SPTBN1: variants seen among roughly 807,000 people sequenced by gnomAD.
The protein encoded by SPTBN1 is spectrin beta chain, non-erythrocytic 1.
Under a neutral mutation model 266.4 loss-of-function variants are expected in SPTBN1, and 32 were observed. That is an observed-to-expected ratio of 0.12 (90% confidence interval 0.09 to 0.16). SPTBN1 has a LOEUF of 0.16. Ranked by LOEUF, SPTBN1 falls within the 10% of genes least tolerant of loss-of-function variation. The pLI, the probability that SPTBN1 is intolerant of heterozygous loss-of-function variation, is 1.00. For missense variants in SPTBN1, 2,296 were observed against 3,067.1 expected, an observed-to-expected ratio of 0.75 and a Z score of 5.94; for synonymous variants, 1,336 against 1,162.2, an observed-to-expected ratio of 1.15 and a Z score of -3.04.
At chr2:54,632,401 T>C (rs1185028592) in intron 16 of SPTBN1, among the ~76,000 whole-genome samples, 165 bp from the exon 17 acceptor site, 1 of 152,216 alleles carries the variant, frequency 6.6e-6, no homozygotes, top group Admixed American at 6.5e-5. Flanking sequence ...AGTTACAGTG[T>C]CCCACTGGGT....
At chr2:54,542,887 C>T (rs1171935804) in intron 2 of SPTBN1, among the ~76,000 whole-genome samples, 1 of 152,182 alleles carries the variant, frequency 6.6e-6, no homozygotes, top group Non-Finnish European at 1.5e-5. Flanking sequence ...GTATTTTGGT[C>T]ACAAATCTGC....
intron 2 of SPTBN1, among the ~76,000 whole-genome samples, chr2:54,551,725 G>A (rs1672575785): frequency 6.6e-6 from 1 of 152,168 alleles, no homozygotes; most frequent in African/African-American, 2.4e-5. Context: ...TGGGTGTGGG[G>A]GGAATGGGGG....
At chr2:54,637,276 A>G (rs1487004999) in intron 17 of SPTBN1, among the ~76,000 whole-genome samples, 2 of 152,080 alleles carry the variant, frequency 1.3e-5, no homozygotes, top group Admixed American at 1.3e-4. Context: ...GAAACTCTTT[A>G]TCAGGAAACA....
At chr2:54,665,892 G>GC (rs772148590) in intron 33 of SPTBN1, 23 bp from the exon 34 acceptor site, 1 of 1,596,372 alleles carries the variant, frequency 6.3e-7, no homozygotes, top group African/African-American at 1.4e-5. Flanking sequence ...ATCTCCCCCT[G>GC]CCCTTTTTTT....
chr2:54,658,503 T>A (rs2971880), intron 30 of SPTBN1, among the ~76,000 whole-genome samples: 53,097 of 152,036 alleles, frequency 0.35, 9,535 homozygotes, highest in Middle Eastern at 0.44. Flanking sequence ...TAGAATAGGA[T>A]TTGTGCACTG....
rs202107028 is a variant in SPTBN1 at position 54,668,682 on chromosome 2, T to TTA, written c.*114_*115insAT. ...CCTAATGTTCCTCAATGTGGTTGAT[T>TTA]TTTTTTTTTTTTTAATTTATAGAGC... On this transcript the variant is annotated 3_prime_UTR_variant, in exon 36 of 36. Coordinates refer to ENST00000356805, the MANE Select transcript of SPTBN1 (RefSeq NM_003128.3). The TTA allele has an allele frequency of 1.8e-4, 124 of 685,596 alleles. 1 individual carries two copies. Among genetic ancestry groups the TTA allele is most frequent in the African/African-American group, 1.4e-3 (73 of 50,714 alleles). The allele number at this position is 685,596 out of a possible 1,614,324, so 42.5% of individuals were successfully genotyped here. A position where few individuals can be genotyped will look rare whatever the true frequency, so the allele number is the denominator to read the frequency against.
In SPTBN1 at chr2:54,659,942, T is replaced by C. The variant is rs769975531; in HGVS notation, c.6363T>C (p.Thr2121=). The C allele has an allele frequency of 6.2e-7, 1 of 1,614,198 alleles. No individual in the cohort carries two copies. The highest frequency in any genetic ancestry group is 8.5e-7 in the Non-Finnish European group (1 of 1,180,022). The change falls in exon 32 of 36, where the codon ACT becomes ACC. Residue 2121 remains threonine, a synonymous_variant. Transcript: ENST00000356805. The part of the protein sequence containing the change: ...EEAESQQQWD[T]SKGEQVSQNG... ...TTCCCCTCTTCCCTAACAGGGATACTTCAAAAGGAGAACAAGTTTCCCAAA... is the reference window on the plus strand; with the variant it reads ...TTCCCCTCTTCCCTAACAGGGATACCTCAAAAGGAGAACAAGTTTCCCAAA...
At chr2:54,597,507 G>T (rs1295025695) in intron 2 of SPTBN1, among the ~76,000 whole-genome samples, 1 of 152,196 alleles carries the variant, frequency 6.6e-6, no homozygotes, top group African/African-American at 2.4e-5. Context: ...CCCTCCTTCT[G>T]TCTGGATGGG....
intron 17 of SPTBN1, among the ~76,000 whole-genome samples, chr2:54,636,757 G>C (rs776237665): frequency 1.3e-5 from 2 of 152,228 alleles, no homozygotes; most frequent in Non-Finnish European, 2.9e-5. Flanking sequence ...CTCCTCAGTT[G>C]CACTCTGCCT....
chr2:54,579,816 G>A (rs1370314929), intron 2 of SPTBN1, among the ~76,000 whole-genome samples: 3 of 152,232 alleles, frequency 2.0e-5, no homozygotes, highest in Non-Finnish European at 4.4e-5. Flanking sequence ...AGAAAGTATA[G>A]TGAGAGAGAG....
intron 2 of SPTBN1, among the ~76,000 whole-genome samples, chr2:54,583,461 A>G (rs982277116): frequency 6.6e-6 from 1 of 152,170 alleles, no homozygotes; most frequent in African/African-American, 2.4e-5. Context: ...ACCAAAGTGT[A>G]GGTGAGAAGA....
chr2:54,655,442 C>T (rs1304855690), intron 28 of SPTBN1, among the ~76,000 whole-genome samples: 1 of 152,246 alleles, frequency 6.6e-6, no homozygotes, highest in African/African-American at 2.4e-5. Context: ...ATGGACTCCG[C>T]ATCCTCCCCA....
intron 1 of SPTBN1, among the ~76,000 whole-genome samples, chr2:54,471,622 G>A (rs1024483066): frequency 7.2e-5 from 11 of 152,108 alleles, no homozygotes; most frequent in African/African-American, 2.7e-4. Flanking sequence ...ATCAAATGTT[G>A]GAATGTGTTG....
intron 2 of SPTBN1, among the ~76,000 whole-genome samples, chr2:54,579,947 G>A (rs1443035577): frequency 1.3e-5 from 2 of 152,234 alleles, no homozygotes; most frequent in Non-Finnish European, 2.9e-5. Context: ...TCCTTTCTGA[G>A]GGTAAAAGCT....
Position 54,631,193 on chromosome 2 carries a change from C to A in SPTBN1, c.3146C>A (p.Thr1049Asn). Residue 1049 changes from threonine to asparagine, a missense_variant, in exon 16 of 36, where the codon ACC becomes AAC. This residue lies in a region of SPTBN1 where 128 missense variants were observed against 176.5 expected (regional missense o/e 0.73). Transcript: ENST00000356805. ...EISDVWEEMK[T>N]TLKNREASLG... ...AGCGACGTGTGGGAGGAGATGAAGA[C>A]CACCCTGAAAAACCGAGAGGCCTCC... is the stretch of plus-strand genomic sequence containing the variant. 1 of 1,614,180 alleles carries A rather than the reference C, an allele frequency of 6.2e-7. No homozygotes were observed. The highest frequency in any genetic ancestry group is 2.2e-5 in the East Asian group (1 of 44,878).
intron 5 of SPTBN1, 89 bp from the exon 6 acceptor site, chr2:54,617,519 C>G: frequency 2.5e-6 from 3 of 1,220,124 alleles, no homozygotes; most frequent in Non-Finnish European, 3.6e-6. Flanking sequence ...ACAATGCTTA[C>G]AGACTTTTTA....
In SPTBN1 at chr2:54,554,940, C is replaced by G. The variant is rs375548014; in HGVS notation, c.148+28374C>G. ...CTTCGTCCTCCTCCTCCTCCTTTCT[C>G]GTTATTTTCTAACTCCCTGTAACCC... On this transcript the variant is annotated intron_variant, in intron 2 of 35. Transcript: ENST00000356805. The surrounding 1 kb of genome is among the most constrained non-coding windows in gnomAD (Gnocchi z 4.5). Among the ~76,000 whole-genome samples the G allele has an allele frequency of 6.6e-6, 1 of 152,206 alleles. No homozygotes were observed. Among genetic ancestry groups the G allele is most frequent in the Non-Finnish European group, 1.5e-5 (1 of 68,026 alleles).
intron 1 of SPTBN1, among the ~76,000 whole-genome samples, chr2:54,524,668 G>A (rs1178839374): frequency 6.6e-6 from 1 of 152,150 alleles, no homozygotes; most frequent in South Asian, 2.1e-4. Context: ...GGGTGGTGTC[G>A]GTTATTAGCT....
intron 1 of SPTBN1, among the ~76,000 whole-genome samples, chr2:54,481,391 A>AGTGT (rs72077761): frequency 0.011 from 1,242 of 117,332 alleles, 10 homozygotes; most frequent in East Asian, 0.039. Flanking sequence ...CAGAAACCTG[A>AGTGT]GTGTGTGTGT....
Sources: gnomAD v4.1 joint callset for allele counts (sites outside exome capture counted in the v4.1 genomes callset) on GRCh38, gnomAD v4.1.1 for gene constraint, gnomAD v4.1.1 regional missense constraint, Gnocchi (gnomAD v3.1) non-coding constraint, MANE v1.5 for transcripts, NCBI Gene and HGNC (gene_info 2026-07-23, HGNC 2026-07-21) for gene names.